Variants in EIF2B5 observed in about 807,000 individuals in gnomAD.
The protein encoded by EIF2B5 is eukaryotic translation initiation factor 2B subunit epsilon.
Under a neutral mutation model 87.3 loss-of-function variants are expected in EIF2B5, and 38 were observed. The observed-to-expected ratio is 0.44, with a 90% CI of 0.34 to 0.57. EIF2B5 has a LOEUF of 0.57. EIF2B5 is among the 20% of genes least tolerant of loss of function. The pLI, the probability that EIF2B5 is intolerant of heterozygous loss-of-function variation, is 0.02. For synonymous variants in EIF2B5, 313 were observed against 339.6 expected, an observed-to-expected ratio of 0.92 and a Z score of 0.86; for missense variants, 784 against 909.5, an observed-to-expected ratio of 0.86 and a Z score of 1.78.
At chr3:184,140,209 G>T in intron 6 of EIF2B5, 52 bp downstream of exon 6, 4 of 1,555,924 alleles carry the variant, frequency 2.6e-6, no homozygotes, top group Non-Finnish European at 3.5e-6. Context: ...GGCTATGATT[G>T]TATCTCATGC....
chr3:184,145,242 G>T lies in EIF2B5; in HGVS notation c.*299G>T. Reference sequence around the variant, plus strand: ...AGCTTTGTGCTCCGGCTTTCCCTCAGGGAACAGCAGAGAGCAGTTGGCTCT... The same window carrying T: ...AGCTTTGTGCTCCGGCTTTCCCTCATGGAACAGCAGAGAGCAGTTGGCTCT... On this transcript the variant is annotated 3_prime_UTR_variant, in exon 16 of 16. Transcript: ENST00000648915. This position sits in a 1 kb window ranked among gnomAD's most constrained non-coding sequence, Gnocchi z 4.0. The T allele has an allele frequency of 2.0e-6, 1 of 505,600 alleles. No individual in the cohort carries two copies. The highest frequency in any genetic ancestry group is 3.6e-6 in the Non-Finnish European group (1 of 276,994). The allele number at this position is 505,600 out of a possible 1,614,324, so 31.3% of individuals were successfully genotyped here. A position where few individuals can be genotyped will look rare whatever the true frequency, so the allele number is the denominator to read the frequency against.
chr3:184,136,337 A>G (rs1431824732), intron 1 of EIF2B5, among the ~76,000 whole-genome samples: 1 of 152,266 alleles, frequency 6.6e-6, no homozygotes, highest in Admixed American at 6.5e-5. Context: ...TTCCAGTATT[A>G]TCCTTTGCCA....
chr3:184,140,248 A>G (rs772409283), intron 6 of EIF2B5, 91 bp downstream of exon 6: 1 of 1,465,634 alleles, frequency 6.8e-7, no homozygotes, highest in Non-Finnish European at 9.5e-7. Flanking sequence ...TTTGTATTTT[A>G]TTGAGGCTTA....
At chr3:184,136,810 G>A (rs1713382449) in intron 2 of EIF2B5, 74 bp downstream of exon 2, 2 of 1,602,256 alleles carry the variant, frequency 1.2e-6, no homozygotes, top group South Asian at 1.1e-5. Flanking sequence ...GTAACTAAGG[G>A]GAAATGTGAG....
rs780857091 is a variant in EIF2B5, at chr3:184,142,229, C to T, written c.1303-8C>T. On this transcript the variant is annotated splice_region_variant and splice_polypyrimidine_tract_variant and intron_variant, in intron 8 of 15. Transcript: ENST00000648915. The surrounding 1 kb of genome is among the most constrained non-coding windows in gnomAD (Gnocchi z 5.0). ...ACCCTAATGGTTCTGTGTTTTTTTT[C>T]CCCTTAGGTGGTCGTGGGCCCAAAT... 17 of 1,613,706 alleles carry T rather than the reference C, an allele frequency of 1.1e-5. No individual in the cohort carries two copies. In the African/African-American group the frequency reaches 2.1e-4, roughly 20 times the overall value.
At position 184,140,658 on chromosome 3, in the gene EIF2B5, C is replaced by T. The variant is rs1012338616; in HGVS notation, c.1084C>T (p.Leu362=). 3 of 1,614,102 alleles carry T rather than the reference C, an allele frequency of 1.9e-6. No individual in the cohort carries two copies. The highest frequency in any genetic ancestry group is 1.7e-5 in the Admixed American group (1 of 60,000). ...HGSILEENVL[L]GSGTVIGSNC... is the part of the protein sequence containing the mutation. ...CAGCATCCTAGAGGAAAATGTGCTC[C>T]TGGGCTCTGGCACTGTCATTGGCAG... The change falls in exon 7 of 16, where the codon CTG becomes TTG. Residue 362 remains leucine, a synonymous_variant. Coordinates refer to ENST00000648915, the MANE Select transcript of EIF2B5 (RefSeq NM_003907.3).
At chr3:184,143,726 T>A in intron 13 of EIF2B5, 161 bp downstream of exon 13, 1 of 1,050,444 alleles carries the variant, frequency 9.5e-7, no homozygotes, top group Non-Finnish European at 1.4e-6. Context: ...TTCAGAGGGG[T>A]CAGATTGAGT....
chr3:184,135,594 A>T lies in EIF2B5; in HGVS notation c.195+14A>T. 6.3e-7 allele frequency: 1 copy of T among 1,577,252 alleles called. No homozygotes were observed. Among genetic ancestry groups the T allele is most frequent in the South Asian group, 1.2e-5 (1 of 86,374 alleles). ...GACCAGCCTCGGGTGAGCGCCGCGC[A>T]CGCGAGCAGCCAGAGGGCAGGAAGG... On this transcript the variant is annotated intron_variant, in intron 1 of 15. Transcript: ENST00000648915.
intron 7 of EIF2B5, among the ~76,000 whole-genome samples, chr3:184,141,350 C>T (rs1713626679): frequency 6.6e-6 from 1 of 152,216 alleles, no homozygotes; most frequent in African/African-American, 2.4e-5. Context: ...GGGAGGATCG[C>T]TTGAGCCCAG....
At chr3:184,141,856 C>T in intron 7 of EIF2B5, 69 bp from the exon 8 acceptor site, 2 of 1,597,632 alleles carry the variant, frequency 1.3e-6, no homozygotes, top group Non-Finnish European at 1.7e-6. Flanking sequence ...TCAGCCCTGT[C>T]CTCTATGAAG....
At chr3:184,138,899 CA>C (rs1395621058) in intron 5 of EIF2B5, 3 of 294,040 alleles carry the variant, frequency 1.0e-5, no homozygotes, top group South Asian at 7.7e-5. Flanking sequence ...TGAGCTCAAG[CA>C]ATCTGACCAC....
At chr3:184,141,026 T>C (rs1290732565) in intron 7 of EIF2B5, 2 of 453,490 alleles carry the variant, frequency 4.4e-6, no homozygotes, top group Non-Finnish European at 8.1e-6. Context: ...CATTACAGTT[T>C]ACAAAGGGCT....
At chr3:184,144,743 A>T in intron 15 of EIF2B5, 36 bp downstream of exon 15, 1 of 1,601,038 alleles carries the variant, frequency 6.2e-7, no homozygotes, top group South Asian at 1.1e-5. Flanking sequence ...CAAGATGGTT[A>T]TCTCATTCCC....
Position 184,140,571 on chromosome 3 carries a change from C to T in EIF2B5, c.997C>T (p.Gln333Ter). 6.2e-7 allele frequency: 1 copy of T among 1,614,198 alleles called. No homozygotes were observed. The highest frequency in any genetic ancestry group is 8.5e-7 in the Non-Finnish European group (1 of 1,180,042). ...PEANFTDSTT[Q>*]SCTHSRHNIY... ...GGCGAACTTCACTGACAGCACCACC[C>T]AGAGCTGCACTCATTCCCGGCACAA... Residue 333 changes from glutamine to a stop codon, truncating the protein, a stop_gained, in exon 7 of 16, where the codon CAG becomes TAG. Coordinates refer to ENST00000648915, the MANE Select transcript of EIF2B5 (RefSeq NM_003907.3). LOFTEE classifies it high-confidence loss of function.
rs776071650 is a variant in EIF2B5, at chr3:184,142,735, A to G, written c.1547-44A>G. 6.9e-6 allele frequency: 11 copies of G among 1,588,576 alleles called. No individual in the cohort carries two copies. The highest frequency in any genetic ancestry group is 9.5e-6 in the Non-Finnish European group (11 of 1,163,054). On this transcript the variant is annotated intron_variant, in intron 10 of 15. Coordinates refer to ENST00000648915, the MANE Select transcript of EIF2B5 (RefSeq NM_003907.3). This position sits in a 1 kb window ranked among gnomAD's most constrained non-coding sequence, Gnocchi z 5.0. ...CAGGGCAGGTATATTGCTCTCTGTC[A>G]ATGACTCTTTTTTTCTTTTTCCTCA... is the stretch of plus-strand genomic sequence containing the variant.
intron 14 of EIF2B5, 112 bp downstream of exon 14, chr3:184,144,336 C>T (rs1255887037): frequency 9.9e-6 from 15 of 1,512,326 alleles, no homozygotes; most frequent in Non-Finnish European, 1.4e-5. Context: ...GGACCATCCA[C>T]TCCCAATATG....
Position 184,142,250 on chromosome 3 carries a change from C to A in EIF2B5, c.1316C>A (p.Pro439Gln), listed in dbSNP as rs1232471844. The A allele has an allele frequency of 6.2e-7, 1 of 1,614,088 alleles. No individual in the cohort carries two copies. Among genetic ancestry groups the A allele is most frequent in the Non-Finnish European group, 8.5e-7 (1 of 1,180,030 alleles). Residue 439 changes from proline (P) to glutamine (Q), a missense_variant, in exon 9 of 16, where the codon CCA (proline) becomes CAA (glutamine). Physicochemically the swap from Pro to Gln is moderately conservative, Grantham distance 76 (BLOSUM62 -1). Coordinates refer to ENST00000648915, the MANE Select transcript of EIF2B5 (RefSeq NM_003907.3). This position sits in a 1 kb window ranked among gnomAD's most constrained non-coding sequence, Gnocchi z 5.0. ...SVLTSQVVVG[P>Q]NITLPEGSVI... ...TTTTCCCCTTAGGTGGTCGTGGGCC[C>A]AAATATCACGCTGCCTGAGGGCTCG...
chr3:184,136,530 G>A (rs111248061), intron 1 of EIF2B5, 82 bp from the exon 2 acceptor site: 417 of 1,548,952 alleles, frequency 2.7e-4, no homozygotes, highest in Non-Finnish European at 3.6e-4. Context: ...TTGGAAATAC[G>A]AATAGAGGAG....
intron 2 of EIF2B5, 30 bp from the exon 3 acceptor site, chr3:184,137,590 A>G (rs761899134): frequency 1.0e-4 from 162 of 1,606,040 alleles, no homozygotes; most frequent in Non-Finnish European, 1.3e-4. Flanking sequence ...TGCTTGATAC[A>G]CTCATTCCCC....
Sources: allele counts gnomAD v4.1 joint callset (sites outside exome capture counted in the v4.1 genomes callset), GRCh38; gene constraint gnomAD v4.1.1; non-coding constraint Gnocchi (gnomAD v3.1); transcripts MANE v1.5; gene names NCBI Gene and HGNC (gene_info 2026-07-23, HGNC 2026-07-21).